SCRIB: variants seen among roughly 807,000 people sequenced by gnomAD.
SCRIB encodes scribble planar cell polarity protein.
A neutral mutation model predicts 170.0 loss-of-function variants in SCRIB; 72 were observed. The observed-to-expected ratio is 0.42, with a 90% CI of 0.35 to 0.52. The LOEUF is 0.52. SCRIB is among the 20% of genes least tolerant of loss of function. The probability of loss-of-function intolerance (pLI) is 0.02; values close to 1 mark genes in which losing one functional copy is unlikely to be tolerated. For synonymous variants in SCRIB, 1,298 were observed against 1,044.3 expected (o/e 1.24, Z -4.68); for missense variants, 2,475 against 2,338.5 (o/e 1.06, Z -1.20).
At position 143,812,396 on chromosome 8, in the gene SCRIB, G is replaced by A. The variant is rs763532587; in HGVS notation, c.788-12C>T. On this transcript the variant is annotated splice_polypyrimidine_tract_variant and intron_variant, in intron 8 of 36. Transcript: ENST00000356994. The stretch of plus-strand genomic sequence containing the variant: ...CTGCTTCAGCTGACCTGGCGTCGGG[G>A]AGACAGGGGGACAAGGCTGAGCATG... 3.8e-6 allele frequency: 6 copies of A among 1,578,270 alleles called. No homozygotes were observed. Among genetic ancestry groups the A allele is most frequent in the African/African-American group, 2.7e-5 (2 of 74,290 alleles).
rs1342342183 is a variant in SCRIB, at chr8:143,813,104, G to C, written c.568C>G (p.Pro190Ala). ...TTGGGCAGAGCCCCCAGAGTGTCTG[G>C]CTGCAAGAAGGAACAGAGAAAATAG... ...DLGGNDLEVL[P>A]DTLGALPNLR... is the part of the protein sequence containing the mutation. Residue 190 changes from proline to alanine, a missense_variant and splice_region_variant, in exon 7 of 37, where the codon CCA (proline) becomes GCA (alanine). By Grantham distance (27) the Pro-to-Ala change is conservative (BLOSUM62 -1). Around this residue, in one of 3 missense-constraint regions of SCRIB, gnomAD observed 487 missense variants for 558.1 expected, o/e 0.87. Transcript: ENST00000356994. The C allele has an allele frequency of 2.7e-5, 43 of 1,574,492 alleles. No homozygotes were observed. The highest frequency in any genetic ancestry group is 3.7e-5 in the Non-Finnish European group (43 of 1,158,208).
chr8:143,808,792 G>A lies in SCRIB; in HGVS notation c.1932C>T (p.Gly644=), dbSNP rs754246402. ...AGGGTGCGTGGGGGCCATTGTGCCA[G>A]CCCCCGGGAGCCACAGGGCCCTCCC... is the stretch of plus-strand genomic sequence containing the variant. ...PDGEGPVAPG[G]WHNGPHAPWA... Residue 644 remains glycine (G), a synonymous_variant, in exon 15 of 37, where the codon GGC becomes GGT. Transcript: ENST00000356994. 1.9e-6 allele frequency: 3 copies of A among 1,611,132 alleles called. No homozygotes were observed. Among genetic ancestry groups the A allele is most frequent in the Non-Finnish European group, 2.5e-6 (3 of 1,178,762 alleles).
chr8:143,805,394 G>A lies in SCRIB; in HGVS notation c.2388C>T (p.Ala796=), dbSNP rs374853088. 4.9e-5 allele frequency: 76 copies of A among 1,540,122 alleles called. No homozygotes were observed. The highest frequency in any genetic ancestry group is 1.9e-4 in the African/African-American group (14 of 72,860). The change falls in exon 19 of 37, where the codon GCC becomes GCT. Residue 796 remains alanine, a synonymous_variant. Coordinates refer to ENST00000356994, the MANE Select transcript of SCRIB (RefSeq NM_182706.5). Reference sequence around the variant, plus strand: ...TGCCGGCCCCCCGGAGCGCCTCCACGGCCTCGTGGTGCTCGGCGCCCTGCA... The same window carrying A: ...TGCCGGCCCCCCGGAGCGCCTCCACAGCCTCGTGGTGCTCGGCGCCCTGCA... ...VALQGAEHHE[A]VEALRGAGTA...
At chr8:143,804,445 A>G in intron 21 of SCRIB, 123 bp downstream of exon 21, 1 of 1,043,530 alleles carries the variant, frequency 9.6e-7, no homozygotes, top group South Asian at 1.9e-5. Flanking sequence ...CTGCAGGGGA[A>G]AGGGCGAGCA....
At chr8:143,814,197 C>G (rs1238581441) in intron 1 of SCRIB, 79 bp from the exon 2 acceptor site, 19 of 1,230,554 alleles carry the variant, frequency 1.5e-5, no homozygotes, top group Admixed American at 4.0e-5. Context: ...GTGAGTGTCA[C>G]AAGTCAAGAG....
At position 143,809,723 on chromosome 8, in the gene SCRIB, G is replaced by A. The variant is rs147830376; in HGVS notation, c.1531-5C>T. Reference sequence around the variant, plus strand: ...CTCGGCACTCAGCCGCTTCTCCTGCGGCGGGAAGTGGGGTCAGGCTTCGAC... The same window carrying A: ...CTCGGCACTCAGCCGCTTCTCCTGCAGCGGGAAGTGGGGTCAGGCTTCGAC... On this transcript the variant is annotated splice_polypyrimidine_tract_variant and splice_region_variant and intron_variant, in intron 13 of 36. Transcript: ENST00000356994. 12,324 of 1,606,552 alleles carry A rather than the reference G, an allele frequency of 7.7e-3. 71 individuals are homozygous for A. The highest frequency in any genetic ancestry group is 9.5e-3 in the Non-Finnish European group (11,245 of 1,178,656).
chr8:143,793,136 C>A, intron 28 of SCRIB, 53 bp from the exon 29 acceptor site: 1 of 1,017,546 alleles, frequency 9.8e-7, no homozygotes, highest in Non-Finnish European at 1.4e-6. Flanking sequence ...GGGGCTGCAG[C>A]TGTGTGCAAC....
At position 143,804,925 on chromosome 8, in the gene SCRIB, C is replaced by G. The variant is rs1417246145; in HGVS notation, c.2751+9G>C. On this transcript the variant is annotated intron_variant, in intron 20 of 36. Transcript: ENST00000356994. ...TGGGTGGGTGGGGCGGGGCCCCATC[C>G]CCACTCACAGAGAGGACGCGGTCGC... 5.2e-6 allele frequency: 8 copies of G among 1,545,270 alleles called. No individual in the cohort carries two copies. In the East Asian group the frequency reaches 7.1e-5, roughly 14 times the overall value.
chr8:143,805,081 A>G, intron 19 of SCRIB, 31 bp downstream of exon 19: 4 of 1,591,606 alleles, frequency 2.5e-6, no homozygotes, highest in Non-Finnish European at 3.4e-6. Context: ...GCTCTAGAGC[A>G]GCCCTCCCCG....
At chr8:143,796,429 G>C (rs1303341932) in intron 24 of SCRIB, among the ~76,000 whole-genome samples, 17 of 152,136 alleles carry the variant, frequency 1.1e-4, no homozygotes, top group African/African-American at 4.1e-4. Context: ...AAACACAGCT[G>C]AAATGGTAAG....
intron 24 of SCRIB, among the ~76,000 whole-genome samples, chr8:143,802,339 G>A (rs1471572760): frequency 6.6e-6 from 1 of 152,250 alleles, no homozygotes; most frequent in African/African-American, 2.4e-5. Flanking sequence ...TGTCAGCCTG[G>A]CAGAAAGCCA....
chr8:143,804,060 C>A lies in SCRIB; in HGVS notation c.3106G>T (p.Val1036Leu). The change falls in exon 22 of 37, where the codon GTG becomes TTG. Residue 1036 changes from valine (V) to leucine (L), a missense_variant. Around this residue, in one of 3 missense-constraint regions of SCRIB, gnomAD observed 1,966 missense variants for 1,742.9 expected, o/e 1.13. Coordinates refer to ENST00000356994, the MANE Select transcript of SCRIB (RefSeq NM_182706.5). ...GGCCGCCCTACCTTGGAGATGAACA[C>A]ACCAGGCTCCTGGACACCAAACGGG... ...SHPFGVQEPGVFISKVLPRGL... is the reference protein window; with the variant it reads ...SHPFGVQEPGLFISKVLPRGL... The A allele has an allele frequency of 6.2e-7, 1 of 1,610,818 alleles. No individual in the cohort carries two copies. The highest frequency in any genetic ancestry group is 8.5e-7 in the Non-Finnish European group (1 of 1,178,126).
chr8:143,791,686 T>G lies in SCRIB; in HGVS notation c.4750A>C (p.Arg1584=). 1.9e-6 allele frequency: 3 copies of G among 1,604,484 alleles called. No individual in the cohort carries two copies. Among genetic ancestry groups the G allele is most frequent in the Non-Finnish European group, 2.6e-6 (3 of 1,173,438 alleles). The change falls in exon 35 of 37, where the codon AGA becomes CGA. Residue 1584 remains arginine, a synonymous_variant. Transcript: ENST00000356994. ...YRAFAALPSS[R]PVYDIQSPDF... is the part of the protein sequence containing the mutation. The stretch of plus-strand genomic sequence containing the variant: ...GGTACCTGGATGTCATAGACAGGTC[T>G]GGAAGAAGGCAGGGCCGCAAAGGCC...
chr8:143,807,688 CG>C, intron 15 of SCRIB, 74 bp from the exon 16 acceptor site: 1 of 1,184,178 alleles, frequency 8.4e-7, no homozygotes, highest in Admixed American at 1.7e-5. Flanking sequence ...ACCCAGCCCC[CG>C]CCACAAGCAG....
chr8:143,813,097 G>A lies in SCRIB; in HGVS notation c.575C>T (p.Thr192Ile), dbSNP rs1165556543. 1 of 1,576,974 alleles carries A rather than the reference G, an allele frequency of 6.3e-7. No homozygotes were observed. Among genetic ancestry groups the A allele is most frequent in the Admixed American group, 1.9e-5 (1 of 53,546 alleles). ...GGNDLEVLPDTLGALPNLREL... is the reference protein window; with the variant it reads ...GGNDLEVLPDILGALPNLREL... The stretch of plus-strand genomic sequence containing the variant: ...CCGAAGATTGGGCAGAGCCCCCAGA[G>A]TGTCTGGCTGCAAGAAGGAACAGAG... The change falls in exon 7 of 37, where the codon ACT becomes ATT. Residue 192 changes from threonine (T) to isoleucine (I), a missense_variant. This residue lies in a region of SCRIB where 487 missense variants were observed against 558.1 expected (regional missense o/e 0.87). Transcript: ENST00000356994.
At position 143,812,515 on chromosome 8, in the gene SCRIB, G is replaced by A. The variant is rs1815786743; in HGVS notation, c.788-131C>T. On this transcript the variant is annotated intron_variant, in intron 8 of 36. Transcript: ENST00000356994. ...TTCTGCCGCCGCCGTACTTCGGGAG[G>A]ACCCTACCTACCTTGCCCCACAAGC... 17 of 704,296 alleles carry A rather than the reference G, an allele frequency of 2.4e-5. No individual in the cohort carries two copies. The East Asian group carries it at 3.7e-4, about 15-fold the overall frequency. 43.6% of individuals were successfully genotyped at this position (704,296 alleles called of 1,614,324 possible). A position where few individuals can be genotyped will look rare whatever the true frequency, so the allele number is the denominator to read the frequency against.
rs561757455 is a variant in SCRIB at position 143,806,461 on chromosome 8, G to A, written c.2292C>T (p.Ser764=). The A allele has an allele frequency of 1.2e-4, 185 of 1,602,904 alleles. 2 individuals carry two copies. Among genetic ancestry groups the A allele is most frequent in the South Asian group, 4.3e-4 (38 of 89,142 alleles). The change falls in exon 18 of 37, where the codon TCC becomes TCT. Residue 764 remains serine, a synonymous_variant. Coordinates refer to ENST00000356994, the MANE Select transcript of SCRIB (RefSeq NM_182706.5). ...CAGCCCGGGCCGCAGGGCCTTCCTC[G>A]GACACCCGAGAGATGAATATGCCCT... The part of the protein sequence containing the change: ...DDEGIFISRV[S]EEGPAARAGV...
Position 143,813,383 on chromosome 8 carries a change from G to T in SCRIB, c.504-9C>A. ...CCAGAAATGACAGGGACCTGCAGAG[G>T]AAGCAGGGTGGAGGTGTGGCCACGC... is the stretch of plus-strand genomic sequence containing the variant. On this transcript the variant is annotated splice_polypyrimidine_tract_variant and intron_variant, in intron 5 of 36. Coordinates refer to ENST00000356994, the MANE Select transcript of SCRIB (RefSeq NM_182706.5). 1.2e-6 allele frequency: 2 copies of T among 1,613,292 alleles called. No individual in the cohort carries two copies. The highest frequency in any genetic ancestry group is 1.7e-6 in the Non-Finnish European group (2 of 1,179,934).
At position 143,804,584 on chromosome 8, in the gene SCRIB, C is replaced by T. The variant is rs372242753; in HGVS notation, c.2993G>A (p.Gly998Glu). ...GTGTCTCACCTCCACTGGGTATGGC[C>T]CTTCCAACGCGGCAGCCAGCAGGCT... ...APSLLAAALEGPYPVEEIRLP... is the reference protein window; with the variant it reads ...APSLLAAALEEPYPVEEIRLP... The change falls in exon 21 of 37, where the codon GGG (glycine) becomes GAG (glutamate). Residue 998 changes from glycine to glutamate, a missense_variant. Physicochemically the swap from Gly to Glu is moderately conservative, Grantham distance 98. This residue lies in a region of SCRIB where 1,966 missense variants were observed against 1,742.9 expected (regional missense o/e 1.13). Coordinates refer to ENST00000356994, the MANE Select transcript of SCRIB (RefSeq NM_182706.5). The T allele has an allele frequency of 4.4e-5, 67 of 1,512,782 alleles. 1 individual carries two copies. The African/African-American group carries it at 8.2e-4, about 18-fold the overall frequency. The allele number at this position is 1,512,782 out of a possible 1,614,324, so 93.7% of individuals were successfully genotyped here. A position where few individuals can be genotyped will look rare whatever the true frequency, so the allele number is the denominator to read the frequency against.
Sources: allele counts gnomAD v4.1 joint callset (sites outside exome capture counted in the v4.1 genomes callset), GRCh38; gene constraint gnomAD v4.1.1; regional missense constraint gnomAD v4.1.1; transcripts MANE v1.5; gene names NCBI Gene and HGNC (gene_info 2026-07-23, HGNC 2026-07-21).